The following EIF3L variants were observed in gnomAD, a reference collection of about 807,000 sequenced individuals.
The protein encoded by EIF3L is eIEF associated protein HSPC021.
Under a neutral mutation model 74.6 loss-of-function variants are expected in EIF3L, and 32 were observed. That is an observed-to-expected ratio of 0.43 (90% confidence interval 0.32 to 0.58). The LOEUF (loss-of-function observed/expected upper bound fraction) is 0.58, where lower values mean the gene tolerates loss of function less well. Among genes scored for constraint, EIF3L ranks in the 20% least tolerant of loss-of-function variants. EIF3L has a pLI of 0.06. For synonymous variants in EIF3L, 256 were observed against 254.4 expected (o/e 1.01, Z -0.06); for missense variants, 474 against 707.8 (o/e 0.67, Z 3.75).
intron 11 of EIF3L, chr22:37,886,022 CTA>C (rs1927299306): frequency 6.6e-6 from 1 of 151,704 alleles, no homozygotes; most frequent in Non-Finnish European, 1.5e-5. Context: ...AACCCCGTCT[CTA>C]CTAAAAACAT....
intron 12 of EIF3L, 104 bp from the exon 13 acceptor site, chr22:37,888,322 G>A: frequency 8.0e-7 from 1 of 1,244,428 alleles, no homozygotes; most frequent in South Asian, 1.3e-5. Flanking sequence ...TTCCTTTCTT[G>A]GCTTCAGAGG....
At chr22:37,860,037 G>A (rs979583569) in intron 5 of EIF3L, among the ~76,000 whole-genome samples, 1 of 152,046 alleles carries the variant, frequency 6.6e-6, no homozygotes, top group Non-Finnish European at 1.5e-5. Flanking sequence ...AATGCCATCT[G>A]TATTATTTAT....
chr22:37,874,199 A>G (rs1462021239), intron 8 of EIF3L, among the ~76,000 whole-genome samples, 171 bp from the exon 9 acceptor site: 1 of 152,190 alleles, frequency 6.6e-6, no homozygotes, highest in Non-Finnish European at 1.5e-5. Context: ...GAAGATTAGC[A>G]TAAGATTGGT....
At position 37,863,474 on chromosome 22, in the gene EIF3L, G is replaced by A. The variant is rs114098260; in HGVS notation, c.579+129G>A. 1,264 of 707,716 alleles carry A rather than the reference G, an allele frequency of 1.8e-3. 10 individuals carry two copies. The African/African-American group carries it at 0.021, about 12-fold the overall frequency. 43.8% of individuals were successfully genotyped at this position (707,716 alleles called of 1,614,324 possible). A position where few individuals can be genotyped will look rare whatever the true frequency, so the allele number is the denominator to read the frequency against. On this transcript the variant is annotated intron_variant, in intron 7 of 12. Transcript: ENST00000652021. ...TTGTAGTGTAAAATACCCCATGGCA[G>A]TAGACTCCAGTTTCAGCTGGCTTTC...
intron 12 of EIF3L, 168 bp from the exon 13 acceptor site, chr22:37,888,258 G>A (rs1927423364): frequency 6.1e-6 from 4 of 651,056 alleles, no homozygotes; most frequent in Middle Eastern, 2.6e-4. Context: ...ACTGTGCAGG[G>A]CCATATGAAT....
chr22:37,863,615 C>T (rs367853041), intron 7 of EIF3L, among the ~76,000 whole-genome samples: 1 of 152,148 alleles, frequency 6.6e-6, no homozygotes, highest in African/African-American at 2.4e-5. Flanking sequence ...GTGGTAAGAA[C>T]ACAGGCTTCA....
intron 5 of EIF3L, among the ~76,000 whole-genome samples, chr22:37,859,883 G>A (rs938095388): frequency 2.0e-5 from 3 of 152,032 alleles, no homozygotes; most frequent in Non-Finnish European, 4.4e-5. Context: ...GTGGTGGCGG[G>A]TGCCTGTAAT....
intron 9 of EIF3L, among the ~76,000 whole-genome samples, chr22:37,875,268 C>G (rs1926684838): frequency 6.6e-6 from 1 of 150,890 alleles, no homozygotes; most frequent in Non-Finnish European, 1.5e-5. Context: ...ATCCCAGCTA[C>G]TCAGGAGGCT....
intron 7 of EIF3L, among the ~76,000 whole-genome samples, chr22:37,868,110 A>ATTT (rs545183532): frequency 1.9e-4 from 18 of 92,666 alleles, no homozygotes; most frequent in African/African-American, 4.5e-4. Flanking sequence ...TCTTTGTAGG[A>ATTT]TTTTTTTTTT....
chr22:37,862,918 A>G, intron 5 of EIF3L, 51 bp from the exon 6 acceptor site: 1 of 1,411,302 alleles, frequency 7.1e-7, no homozygotes, highest in East Asian at 2.3e-5. Flanking sequence ...CATGGGTAAA[A>G]CACATTAAAA....
intron 5 of EIF3L, among the ~76,000 whole-genome samples, chr22:37,861,267 ACTC>A (rs1925841202): frequency 1.3e-5 from 2 of 151,432 alleles, no homozygotes; most frequent in Non-Finnish European, 2.9e-5. Context: ...TATGGCTAGA[ACTC>A]CTGCCTTGGC....
At chr22:37,884,606 T>G (rs899013188) in intron 11 of EIF3L, 4 of 152,178 alleles carry the variant, frequency 2.6e-5, no homozygotes, top group Admixed American at 2.6e-4. Flanking sequence ...ACGTCAGTAG[T>G]GGAAGTTTTC....
intron 10 of EIF3L, chr22:37,876,292 C>CTAATTTTT (rs1318862598): frequency 1.6e-5 from 4 of 244,016 alleles, no homozygotes; most frequent in South Asian, 1.5e-4. Context: ...ACAACACCGG[C>CTAATTTTT]TAATTTTTTT....
At chr22:37,886,280 T>G (rs1337244520) in intron 11 of EIF3L, 2 of 149,554 alleles carry the variant, frequency 1.3e-5, no homozygotes, top group Non-Finnish European at 3.0e-5. Context: ...AAAATATATA[T>G]AAACTAGGCC....
At chr22:37,855,453 C>T in intron 3 of EIF3L, 112 bp from the exon 4 acceptor site, 1 of 908,606 alleles carries the variant, frequency 1.1e-6, no homozygotes, top group Non-Finnish European at 1.7e-6. Context: ...GGCCTCAGCT[C>T]TGTTTATTTG....
chr22:37,849,501 C>G lies in EIF3L; in HGVS notation c.33+19C>G, dbSNP rs1307846448. ...GTCTGAGGTAAGGTGGCCGTAAGGGCGCGGTGGGCTCCACGACGGGGTGAT... is the reference window on the plus strand; with the variant it reads ...GTCTGAGGTAAGGTGGCCGTAAGGGGGCGGTGGGCTCCACGACGGGGTGAT... On this transcript the variant is annotated intron_variant, in intron 1 of 12. Coordinates refer to ENST00000652021, the MANE Select transcript of EIF3L (RefSeq NM_016091.4). 2.5e-6 allele frequency: 4 copies of G among 1,581,220 alleles called. No individual in the cohort carries two copies. The highest frequency in any genetic ancestry group is 2.3e-5 in the East Asian group (1 of 43,420).
At chr22:37,873,494 T>C (rs1926587823) in intron 8 of EIF3L, among the ~76,000 whole-genome samples, 1 of 152,158 alleles carries the variant, frequency 6.6e-6, no homozygotes, top group Middle Eastern at 3.4e-3. Context: ...AGACGGGGTT[T>C]CACCTAGCCA....
chr22:37,865,640 G>A (rs1000998013), intron 7 of EIF3L, among the ~76,000 whole-genome samples: 8 of 152,180 alleles, frequency 5.3e-5, no homozygotes, highest in African/African-American at 1.9e-4. Flanking sequence ...ACCGTTACGA[G>A]TGGTGAGCTG....
At chr22:37,878,826 A>G (rs1307927763) in intron 11 of EIF3L, 1 of 152,240 alleles carries the variant, frequency 6.6e-6, no homozygotes, top group Non-Finnish European at 1.5e-5. Flanking sequence ...GAGTAAAGGA[A>G]GGCAGAGGTG....
Sources: gnomAD v4.1 joint callset for allele counts (sites outside exome capture counted in the v4.1 genomes callset) on GRCh38, gnomAD v4.1.1 for gene constraint, MANE v1.5 for transcripts, NCBI Gene and HGNC (gene_info 2026-07-23, HGNC 2026-07-21) for gene names.